The following KCNMA1 variants were observed in gnomAD, a reference collection of about 807,000 sequenced individuals.
KCNMA1 encodes the protein potassium calcium-activated channel subfamily M alpha 1, also known as Calcium-activated potassium channel subunit alpha-1.
A neutral mutation model predicts 140.0 loss-of-function variants in KCNMA1; 29 were observed. The ratio of observed to expected loss-of-function variants is 0.21; its 90% CI spans 0.15 to 0.28. The LOEUF (loss-of-function observed/expected upper bound fraction) is 0.28, where lower values mean the gene tolerates loss of function less well. KCNMA1 is among the 10% of genes least tolerant of loss of function. The pLI, the probability that KCNMA1 is intolerant of heterozygous loss-of-function variation, is 1.00. For missense variants in KCNMA1, 880 were observed against 1,602.2 expected (o/e 0.55, Z 7.70); for synonymous variants, 612 against 611.9 (o/e 1.00, Z 0.00).
rs1565007695 is a variant in KCNMA1, at chr10:77,177,298, CTTCT to C, written c.808+6119_808+6122del. ...CCTTTCTTCCTTCCTTCTTTCCTTCCTTCTTTCTTTTCTTTCCTTCCTTTTATTT... is the reference window on the plus strand; with the variant it reads ...CCTTTCTTCCTTCCTTCTTTCCTTCCTTCTTTTCTTTCCTTCCTTTTATTT... On this transcript the variant is annotated intron_variant, in intron 5 of 27. Transcript: ENST00000286628. 4.8e-5 allele frequency among the ~76,000 whole-genome samples: 7 copies of C among 147,040 alleles called. No homozygotes were observed. The South Asian group carries it at 8.7e-4, about 18-fold the overall frequency.
At chr10:77,475,798 G>A (rs1400925339) in intron 1 of KCNMA1, among the ~76,000 whole-genome samples, 1 of 152,084 alleles carries the variant, frequency 6.6e-6, no homozygotes, top group African/African-American at 2.4e-5. Flanking sequence ...AGAACTGGAA[G>A]GGCCCTTGGC....
intron 27 of KCNMA1, among the ~76,000 whole-genome samples, chr10:76,888,528 C>G (rs978278620): frequency 7.9e-5 from 12 of 152,044 alleles, no homozygotes; most frequent in Non-Finnish European, 1.8e-4. Flanking sequence ...GCACTGTTGC[C>G]TAGGGTATAT....
intron 21 of KCNMA1, among the ~76,000 whole-genome samples, chr10:76,953,063 G>A (rs1231324365): frequency 6.6e-6 from 1 of 152,208 alleles, no homozygotes; most frequent in Admixed American, 6.5e-5. Context: ...TGACATTCCT[G>A]GGAGAGACTG....
chr10:76,948,768 A>G lies in KCNMA1; in HGVS notation c.2709+374T>C, dbSNP rs2065180111. On this transcript the variant is annotated intron_variant, in intron 22 of 27. Coordinates refer to ENST00000286628, the MANE Select transcript of KCNMA1 (RefSeq NM_001161352.2). ...ACAGATCAATGTTTCTTCAAGCATT[A>G]AAAATGCCATAAGTATAATGCTATA... 2.0e-5 allele frequency among the ~76,000 whole-genome samples: 3 copies of G among 152,254 alleles called. No homozygotes were observed. In the South Asian group the frequency reaches 6.2e-4, roughly 32 times the overall value.
At chr10:77,606,033 A>G (rs1342884309) in intron 1 of KCNMA1, among the ~76,000 whole-genome samples, 1 of 152,014 alleles carries the variant, frequency 6.6e-6, no homozygotes, top group African/African-American at 2.4e-5. Context: ...GACTATACCC[A>G]CACACTACCA....
intron 5 of KCNMA1, among the ~76,000 whole-genome samples, chr10:77,122,224 G>A (rs1217399438): frequency 1.3e-5 from 2 of 152,122 alleles, no homozygotes; most frequent in Non-Finnish European, 2.9e-5. Flanking sequence ...TTAACTTAAA[G>A]TTCATGGGGT....
At chr10:77,223,998 C>T (rs1304800374) in intron 3 of KCNMA1, among the ~76,000 whole-genome samples, 1 of 152,194 alleles carries the variant, frequency 6.6e-6, no homozygotes, top group African/African-American at 2.4e-5. Flanking sequence ...TCTGCCACGC[C>T]TCTGCCATCT....
chr10:76,885,157 G>T lies in KCNMA1; in HGVS notation c.*2109C>A. The T allele has an allele frequency of 2.3e-6, 3 of 1,322,210 alleles. No individual in the cohort carries two copies. The highest frequency in any genetic ancestry group is 4.4e-5 in the South Asian group (2 of 45,252). The allele number at this position is 1,322,210 out of a possible 1,614,324, so 81.9% of individuals were successfully genotyped here. The stretch of plus-strand genomic sequence containing the variant: ...CTTTATAACCTCCTTTGCAAAGAAT[G>T]CATGAAGAGCTCTTCATGATCCAAT... On this transcript the variant is annotated 3_prime_UTR_variant, in exon 28 of 28. Transcript: ENST00000286628.
At chr10:77,208,575 G>T (rs1445856766) in intron 3 of KCNMA1, among the ~76,000 whole-genome samples, 1 of 152,140 alleles carries the variant, frequency 6.6e-6, no homozygotes, top group African/African-American at 2.4e-5. Flanking sequence ...TGCAATCCTG[G>T]AGCTATGCAT....
chr10:76,926,309 G>T (rs1408507663), intron 23 of KCNMA1, among the ~76,000 whole-genome samples: 1 of 152,116 alleles, frequency 6.6e-6, no homozygotes, highest in Admixed American at 6.6e-5. Context: ...TTTCTAATTT[G>T]TGATCTGGGG....
chr10:77,092,071 T>C (rs538078775), intron 9 of KCNMA1: 1 of 152,308 alleles, frequency 6.6e-6, no homozygotes, highest in Admixed American at 6.5e-5. Flanking sequence ...AGAAGAGATG[T>C]CTTAACATGA....
chr10:77,586,375 C>T (rs1409428761), intron 1 of KCNMA1: 1 of 152,162 alleles, frequency 6.6e-6, no homozygotes, highest in Non-Finnish European at 1.5e-5. Flanking sequence ...TGAAACATGT[C>T]CCAGATCCTT....
chr10:77,211,134 CAA>C (rs1054747936), intron 3 of KCNMA1, among the ~76,000 whole-genome samples: 1 of 151,762 alleles, frequency 6.6e-6, no homozygotes, highest in Non-Finnish European at 1.5e-5. Flanking sequence ...AAAACAAAAA[CAA>C]AAAAACAAAG....
chr10:77,521,645 A>G (rs2053442288), intron 1 of KCNMA1, among the ~76,000 whole-genome samples: 1 of 152,232 alleles, frequency 6.6e-6, no homozygotes, highest in Non-Finnish European at 1.5e-5. Flanking sequence ...AGGCACATAG[A>G]AGTTCCCTGA....
At chr10:77,355,379 C>T (rs1055817403) in intron 2 of KCNMA1, among the ~76,000 whole-genome samples, 145 of 152,272 alleles carry the variant, frequency 9.5e-4, no homozygotes, top group Non-Finnish European at 1.0e-4. Context: ...TCAGGGAAAT[C>T]AACTTTATCA....
intron 1 of KCNMA1, among the ~76,000 whole-genome samples, chr10:77,559,339 T>A (rs2065581621): frequency 1.3e-5 from 2 of 152,218 alleles, no homozygotes; most frequent in Non-Finnish European, 2.9e-5. Flanking sequence ...CTCCCCATGA[T>A]CCAGCGACTG....
chr10:77,394,313 C>T (rs2095954505), intron 2 of KCNMA1, among the ~76,000 whole-genome samples: 1 of 152,220 alleles, frequency 6.6e-6, no homozygotes, highest in African/African-American at 2.4e-5. Context: ...GGAGCCAACA[C>T]ACCAGCTAGT....
intron 1 of KCNMA1, among the ~76,000 whole-genome samples, chr10:77,497,427 G>A (rs1169250754): frequency 6.6e-6 from 1 of 152,158 alleles, no homozygotes; most frequent in Admixed American, 6.5e-5. Context: ...TTGAGGGTGG[G>A]TGAGCTCACA....
chr10:77,159,995 T>C (rs2154076423), intron 5 of KCNMA1, among the ~76,000 whole-genome samples: 1 of 152,148 alleles, frequency 6.6e-6, no homozygotes, highest in East Asian at 1.9e-4. Context: ...GTCTGTTGAA[T>C]GAAACAAAAT....
Sources: gnomAD v4.1 joint callset for allele counts (sites outside exome capture counted in the v4.1 genomes callset) on GRCh38, gnomAD v4.1.1 for gene constraint, MANE v1.5 for transcripts, NCBI Gene and HGNC (gene_info 2026-07-23, HGNC 2026-07-21) for gene names.